The following ADAMTS19 variants were observed in gnomAD, a reference collection of about 807,000 sequenced individuals.
ADAMTS19 encodes ADAM metallopeptidase with thrombospondin type 1 motif 19.
In ADAMTS19, 93 loss-of-function variants were observed where a neutral mutation model predicts 153.3. The observed-to-expected ratio is 0.61, with a 90% CI of 0.51 to 0.72. The LOEUF (loss-of-function observed/expected upper bound fraction) is 0.72. ADAMTS19 is among the 30% of genes least tolerant of loss of function. The pLI is 0.00. For synonymous variants in ADAMTS19, 600 were observed against 556.6 expected (o/e 1.08, Z -1.10); for missense variants, 1,482 against 1,552.1 (o/e 0.95, Z 0.76).
intron 2 of ADAMTS19, among the ~76,000 whole-genome samples, chr5:129,507,709 CGAGAGA>C (rs149286655): frequency 3.0e-5 from 4 of 132,758 alleles, no homozygotes; most frequent in Admixed American, 7.7e-5. Context: ...AGATCTAGAG[CGAGAGA>C]GAGAGAGAGA....
chr5:129,517,666 A>G (rs1751658360), intron 3 of ADAMTS19, among the ~76,000 whole-genome samples: 1 of 151,764 alleles, frequency 6.6e-6, no homozygotes, highest in African/African-American at 2.4e-5. Context: ...TTTTCAGTCT[A>G]TATGTCTCTT....
At chr5:129,677,954 AG>A (rs1754624077) in intron 16 of ADAMTS19, among the ~76,000 whole-genome samples, 1 of 152,062 alleles carries the variant, frequency 6.6e-6, no homozygotes, top group Non-Finnish European at 1.5e-5. Flanking sequence ...CTGGGACTGC[AG>A]GCGGGCACCA....
At chr5:129,663,185 C>T (rs535285090) in intron 15 of ADAMTS19, among the ~76,000 whole-genome samples, 8 of 152,278 alleles carry the variant, frequency 5.3e-5, no homozygotes, top group Non-Finnish European at 8.8e-5. Context: ...TTAGCCACCA[C>T]GCCCGGCCCC....
At chr5:129,539,807 A>G (rs1561559914) in intron 6 of ADAMTS19, among the ~76,000 whole-genome samples, 1 of 152,072 alleles carries the variant, frequency 6.6e-6, no homozygotes, top group Admixed American at 6.6e-5. Flanking sequence ...TAAAATACTG[A>G]CGAATACTGG....
intron 20 of ADAMTS19, among the ~76,000 whole-genome samples, chr5:129,703,146 C>G (rs1755991149): frequency 6.7e-6 from 1 of 149,374 alleles, no homozygotes; most frequent in Non-Finnish European, 1.5e-5. Flanking sequence ...TCTGGTATGC[C>G]CCACACACAT....
At chr5:129,689,099 A>C (rs1755218274) in intron 18 of ADAMTS19, among the ~76,000 whole-genome samples, 1 of 152,246 alleles carries the variant, frequency 6.6e-6, no homozygotes, top group Admixed American at 6.5e-5. Flanking sequence ...TAGAATGAGG[A>C]CCCCAAAATT....
At chr5:129,658,429 C>T (rs962269555) in intron 14 of ADAMTS19, among the ~76,000 whole-genome samples, 188 bp from the exon 15 acceptor site, 6 of 152,066 alleles carry the variant, frequency 3.9e-5, no homozygotes, top group African/African-American at 1.2e-4. Flanking sequence ...GGTAATTTTA[C>T]AGATTATGTT....
rs147526979 is a variant in ADAMTS19, at chr5:129,566,974, G to GAACT, written c.1372+15067_1372+15068insAACT. On this transcript the variant is annotated intron_variant, in intron 7 of 22. Transcript: ENST00000274487. ...ACTAACTCCATACTTTCTGAAAGCAGGAAATGAGAACTGCATGGAAGTGGA... is the reference window on the plus strand; with the variant it reads ...ACTAACTCCATACTTTCTGAAAGCAGAACTGAAATGAGAACTGCATGGAAGTGGA... 3.6e-4 allele frequency among the ~76,000 whole-genome samples: 54 copies of GAACT among 151,442 alleles called. 1 individual carries two copies. Among genetic ancestry groups the GAACT allele is most frequent in the African/African-American group, 1.3e-3 (54 of 41,218 alleles).
At chr5:129,608,088 A>T (rs2015323) in intron 8 of ADAMTS19, among the ~76,000 whole-genome samples, 2 of 99,344 alleles carry the variant, frequency 2.0e-5, no homozygotes. Flanking sequence ...AATTTTATAT[A>T]TATGTGTGTG....
intron 6 of ADAMTS19, among the ~76,000 whole-genome samples, chr5:129,542,855 A>G (rs1174628093): frequency 6.6e-6 from 1 of 152,136 alleles, no homozygotes; most frequent in Admixed American, 6.6e-5. Context: ...CAAAAAATGC[A>G]TCTACTTTTC....
intron 21 of ADAMTS19, among the ~76,000 whole-genome samples, chr5:129,713,719 C>A (rs1210503334): frequency 6.6e-6 from 1 of 151,666 alleles, no homozygotes; most frequent in Non-Finnish European, 1.5e-5. Flanking sequence ...CGAGATCGTG[C>A]CACTGCACTC....
At chr5:129,719,081 T>C (rs1756857588) in intron 21 of ADAMTS19, among the ~76,000 whole-genome samples, 1 of 152,086 alleles carries the variant, frequency 6.6e-6, no homozygotes, top group Admixed American at 6.6e-5. Context: ...ACTGAAATGT[T>C]TTTTTTTCCT....
intron 21 of ADAMTS19, among the ~76,000 whole-genome samples, chr5:129,719,894 A>T (rs1182091059): frequency 6.6e-6 from 1 of 152,012 alleles, no homozygotes; most frequent in Non-Finnish European, 1.5e-5. Flanking sequence ...TACAAAAATT[A>T]GCTGGGCATG....
chr5:129,684,173 A>G lies in ADAMTS19; in HGVS notation c.2718A>G (p.Pro906=), dbSNP rs139791846. Residue 906 remains proline (P), a synonymous_variant, in exon 18 of 23, where the codon CCA becomes CCG. Coordinates refer to ENST00000274487, the MANE Select transcript of ADAMTS19 (RefSeq NM_133638.6). Reference sequence around the variant, plus strand: ...GTCTTCACTATGAATACACTATCCCATCAGACCCTCTTCCAGAAAACCAGA... The same window carrying G: ...GTCTTCACTATGAATACACTATCCCGTCAGACCCTCTTCCAGAAAACCAGA... ...NYGLHYEYTI[P]SDPLPENQSS... is the part of the protein sequence containing the mutation. The G allele has an allele frequency of 2.5e-6, 4 of 1,614,136 alleles. No individual in the cohort carries two copies. Among genetic ancestry groups the G allele is most frequent in the Non-Finnish European group, 2.5e-6 (3 of 1,180,024 alleles).
At chr5:129,714,142 G>C (rs766326368) in intron 21 of ADAMTS19, among the ~76,000 whole-genome samples, 38 of 152,244 alleles carry the variant, frequency 2.5e-4, no homozygotes, top group Admixed American at 5.2e-4. Context: ...ATATCTGGCC[G>C]GGCGCGGTGG....
intron 8 of ADAMTS19, among the ~76,000 whole-genome samples, chr5:129,608,140 A>ATATATATATATATATATATATT (rs1164899419): frequency 7.5e-6 from 1 of 132,928 alleles, no homozygotes; most frequent in Non-Finnish European, 1.6e-5. Flanking sequence ...ATATATATAT[A>ATATATATATATATATATATATT]ATGGAACATT....
chr5:129,654,824 A>T (rs892210203), intron 14 of ADAMTS19, among the ~76,000 whole-genome samples: 9 of 152,134 alleles, frequency 5.9e-5, no homozygotes, highest in Non-Finnish European at 1.2e-4. Flanking sequence ...AATAAAATTG[A>T]CCTTATAACT....
intron 7 of ADAMTS19, 152 bp from the exon 8 acceptor site, chr5:129,596,407 C>A (rs1321684881): frequency 2.0e-6 from 1 of 499,430 alleles, no homozygotes; most frequent in South Asian, 3.7e-5. Flanking sequence ...ATACACTTGC[C>A]CCTAAAATTT....
chr5:129,513,913 C>T (rs1751515615), intron 3 of ADAMTS19, among the ~76,000 whole-genome samples: 1 of 151,988 alleles, frequency 6.6e-6, no homozygotes, highest in Non-Finnish European at 1.5e-5. Flanking sequence ...TACCCATTAA[C>T]CATCCCCACC....
Sources: allele counts gnomAD v4.1 joint callset (sites outside exome capture counted in the v4.1 genomes callset), GRCh38; gene constraint gnomAD v4.1.1; transcripts MANE v1.5; gene names NCBI Gene and HGNC (gene_info 2026-07-23, HGNC 2026-07-21).